Variants in SGIP1 observed in about 807,000 individuals in gnomAD.
SGIP1 encodes the protein SH3GL interacting endocytic adaptor 1.
A neutral mutation model predicts 107.5 loss-of-function variants in SGIP1; 38 were observed. The ratio of observed to expected loss-of-function variants is 0.35; its 90% CI spans 0.27 to 0.46. The LOEUF is 0.46. Ranked by LOEUF, SGIP1 falls within the 20% of genes least tolerant of loss-of-function variation. The probability of loss-of-function intolerance (pLI) is 1.00; values close to 1 mark genes in which losing one functional copy is unlikely to be tolerated. For synonymous variants in SGIP1, 365 were observed against 366.1 expected (o/e 1.00, Z 0.03); for missense variants, 929 against 1,019.5 (o/e 0.91, Z 1.21).
At chr1:66,669,960 C>T (rs929183742) in intron 9 of SGIP1, among the ~76,000 whole-genome samples, 1 of 152,196 alleles carries the variant, frequency 6.6e-6, no homozygotes, top group Non-Finnish European at 1.5e-5. Context: ...GAAAATGTAT[C>T]TGTGACCACC....
At position 66,626,642 on chromosome 1, in the gene SGIP1, T is replaced by C. The variant is rs546750657; in HGVS notation, c.74+732T>C. ...GCTCTGACACAAAACCTCAGTTGCC[T>C]TTTGCAGCCAAGCAGGTAACTTATA... On this transcript the variant is annotated intron_variant, in intron 2 of 24. Transcript: ENST00000371037. Among the ~76,000 whole-genome samples the C allele has an allele frequency of 7.9e-5, 12 of 152,292 alleles. No individual in the cohort carries two copies. In the South Asian group the frequency reaches 2.3e-3, roughly 29 times the overall value.
At chr1:66,610,898 T>C (rs1198884412) in intron 1 of SGIP1, among the ~76,000 whole-genome samples, 2 of 152,132 alleles carry the variant, frequency 1.3e-5, no homozygotes, top group East Asian at 3.9e-4. Context: ...AAATCAAACA[T>C]TGTATGCTCT....
At chr1:66,611,096 T>C (rs753701734) in intron 1 of SGIP1, among the ~76,000 whole-genome samples, 70 of 152,244 alleles carry the variant, frequency 4.6e-4, no homozygotes, top group Non-Finnish European at 8.5e-4. Context: ...AATTTATTCA[T>C]GTAATCAAAC....
At chr1:66,640,516 C>T (rs1003460597) in intron 5 of SGIP1, among the ~76,000 whole-genome samples, 1 of 152,052 alleles carries the variant, frequency 6.6e-6, no homozygotes, top group Non-Finnish European at 1.5e-5. Context: ...AAGAGAATTG[C>T]AGGCAGGGGG....
At chr1:66,589,910 C>T (rs2063349430) in intron 1 of SGIP1, among the ~76,000 whole-genome samples, 1 of 152,020 alleles carries the variant, frequency 6.6e-6, no homozygotes, top group Non-Finnish European at 1.5e-5. Context: ...ATTTATGTTG[C>T]ATTTATAGAC....
chr1:66,728,342 A>G (rs900086806), intron 19 of SGIP1, among the ~76,000 whole-genome samples: 1 of 152,254 alleles, frequency 6.6e-6, no homozygotes, highest in Non-Finnish European at 1.5e-5. Context: ...CCACCAGAGT[A>G]GAGGATTCTA....
At chr1:66,625,101 G>A (rs575312067) in intron 1 of SGIP1, among the ~76,000 whole-genome samples, 1 of 152,304 alleles carries the variant, frequency 6.6e-6, no homozygotes, top group South Asian at 2.1e-4. Context: ...GATACCATTT[G>A]ATATATCATA....
chr1:66,715,293 A>G (rs570071007), intron 18 of SGIP1, among the ~76,000 whole-genome samples: 35 of 152,262 alleles, frequency 2.3e-4, no homozygotes, highest in African/African-American at 7.9e-4. Flanking sequence ...TGGCATATCA[A>G]TTGCAATGTA....
chr1:66,660,579 T>G (rs878865909), intron 8 of SGIP1, 55 bp downstream of exon 8: 1 of 1,491,564 alleles, frequency 6.7e-7, no homozygotes, highest in Non-Finnish European at 9.4e-7. Context: ...TCTGTTTATT[T>G]TCATTATCTG....
At chr1:66,732,083 C>G (rs1170513115) in intron 20 of SGIP1, among the ~76,000 whole-genome samples, 1 of 152,206 alleles carries the variant, frequency 6.6e-6, no homozygotes, top group East Asian at 1.9e-4. Context: ...GCTTATTTTG[C>G]TATTAATCTC....
Position 66,690,213 on chromosome 1 carries a change from T to C in SGIP1, c.1467T>C (p.Ile489=), listed in dbSNP as rs2089515772. ...AGTCCAGACCTTTTAGCCCTCCCATTCATTCTTCCAGCCCTCCTCCAATAG... is the reference window on the plus strand; with the variant it reads ...AGTCCAGACCTTTTAGCCCTCCCATCCATTCTTCCAGCCCTCCTCCAATAG... The part of the protein sequence containing the change: ...GDVSRPFSPP[I]HSSSPPPIAP... Residue 489 remains isoleucine, a synonymous_variant, in exon 17 of 25, where the codon ATT becomes ATC. Coordinates refer to ENST00000371037, the MANE Select transcript of SGIP1 (RefSeq NM_032291.4). 6 of 1,614,184 alleles carry C rather than the reference T, an allele frequency of 3.7e-6. No homozygotes were observed. Among genetic ancestry groups the C allele is most frequent in the Non-Finnish European group, 5.1e-6 (6 of 1,180,002 alleles).
At chr1:66,694,450 G>T in intron 17 of SGIP1, 1 of 1,607,338 alleles carries the variant, frequency 6.2e-7, no homozygotes, top group South Asian at 1.1e-5. Flanking sequence ...GTCAGAAGAC[G>T]ATGTTTTTTA....
At chr1:66,658,625 T>C (rs969537354) in intron 7 of SGIP1, among the ~76,000 whole-genome samples, 4 of 152,208 alleles carry the variant, frequency 2.6e-5, no homozygotes, top group South Asian at 4.1e-4. Flanking sequence ...CCTCACTCTA[T>C]GTTTGGGGCT....
intron 15 of SGIP1, among the ~76,000 whole-genome samples, chr1:66,684,869 A>G (rs1571802373): frequency 6.6e-6 from 1 of 152,372 alleles, no homozygotes; most frequent in Middle Eastern, 3.4e-3. Flanking sequence ...AAATGTCACC[A>G]GTAAAGACTC....
At chr1:66,540,445 C>T (rs1462606444) in intron 1 of SGIP1, among the ~76,000 whole-genome samples, 1 of 152,158 alleles carries the variant, frequency 6.6e-6, no homozygotes, top group Non-Finnish European at 1.5e-5. Flanking sequence ...CCTTTCTCTA[C>T]TTTTCTCATT....
intron 12 of SGIP1, among the ~76,000 whole-genome samples, chr1:66,675,992 G>C (rs1157309397): frequency 1.3e-5 from 2 of 152,180 alleles, no homozygotes; most frequent in Non-Finnish European, 2.9e-5. Context: ...AAGTGGAACT[G>C]GTATCAACCA....
At chr1:66,598,108 T>A (rs1296213740) in intron 1 of SGIP1, among the ~76,000 whole-genome samples, 1 of 152,146 alleles carries the variant, frequency 6.6e-6, no homozygotes, top group Non-Finnish European at 1.5e-5. Flanking sequence ...ACCTTAAGTG[T>A]TAAAGATTAT....
chr1:66,538,842 G>T (rs2054224664), intron 1 of SGIP1, among the ~76,000 whole-genome samples: 1 of 152,178 alleles, frequency 6.6e-6, no homozygotes, highest in Admixed American at 6.5e-5. Context: ...TTTAATTTTG[G>T]ATGTTGCTGT....
At chr1:66,544,415 G>A (rs1049329588) in intron 1 of SGIP1, among the ~76,000 whole-genome samples, 1 of 152,182 alleles carries the variant, frequency 6.6e-6, no homozygotes, top group Admixed American at 6.5e-5. Context: ...GCCGGGAGAG[G>A]TGGCTCATAC....
Sources: gnomAD v4.1 joint callset for allele counts (sites outside exome capture counted in the v4.1 genomes callset) on GRCh38, gnomAD v4.1.1 for gene constraint, MANE v1.5 for transcripts, NCBI Gene and HGNC (gene_info 2026-07-23, HGNC 2026-07-21) for gene names.